Variants in PPP1R9B observed in about 807,000 individuals in gnomAD.
PPP1R9B encodes the protein neurabin-2.
A neutral mutation model predicts 75.8 loss-of-function variants in PPP1R9B; 17 were observed. The observed-to-expected ratio is 0.22, with a 90% CI of 0.15 to 0.34. The LOEUF is 0.34. Ranked by LOEUF, PPP1R9B falls within the 10% of genes least tolerant of loss-of-function variation. The probability of loss-of-function intolerance (pLI) is 1.00; values close to 1 mark genes in which losing one functional copy is unlikely to be tolerated. For missense variants in PPP1R9B, 875 were observed against 1,196.0 expected (o/e 0.73, Z 3.96); for synonymous variants, 509 against 535.4 (o/e 0.95, Z 0.68).
Position 50,149,861 on chromosome 17 carries a change from G to C in PPP1R9B, c.653C>G (p.Ala218Gly), listed in dbSNP as rs1912638813. 4.0e-6 allele frequency: 6 copies of C among 1,491,260 alleles called. No homozygotes were observed. In the East Asian group the frequency reaches 1.7e-4, roughly 42 times the overall value. The allele number at this position is 1,491,260 out of a possible 1,614,324, so 92.4% of individuals were successfully genotyped here. ...VSQLSAVFEK[A>G]DSRTGLHRGP... Reference sequence around the variant, plus strand: ...GCGGTGGAGGCCGGTCCTCGAGTCGGCCTTCTCGAAGACGGCGCTGAGCTG... The same window carrying C: ...GCGGTGGAGGCCGGTCCTCGAGTCGCCCTTCTCGAAGACGGCGCTGAGCTG... The change falls in exon 1 of 10, where the codon GCC becomes GGC. Residue 218 changes from alanine to glycine, a missense_variant. Around this residue, in one of 4 missense-constraint regions of PPP1R9B, gnomAD observed 449 missense variants for 475.0 expected, o/e 0.95. Transcript: ENST00000612501. This position sits in a 1 kb window ranked among gnomAD's most constrained non-coding sequence, Gnocchi z 7.2.
In PPP1R9B at chr17:50,149,337, C is replaced by T; in HGVS notation, c.1177G>A (p.Val393Met). 6.2e-7 allele frequency: 1 copy of T among 1,613,572 alleles called. No homozygotes were observed. Among genetic ancestry groups the T allele is most frequent in the South Asian group, 1.1e-5 (1 of 91,070 alleles). ...KKEDFSEADL[V>M]DVSAYSGLGE... ...AGCCCACTGTAGGCGCTCACGTCCA[C>T]CAAGTCCGCCTCCGAGAAGTCCTCC... The change falls in exon 1 of 10, where the codon GTG (valine) becomes ATG (methionine). Residue 393 changes from valine to methionine, a missense_variant. By Grantham distance (21) the Val-to-Met change is conservative (BLOSUM62 1). Around this residue, in one of 4 missense-constraint regions of PPP1R9B, gnomAD observed 449 missense variants for 475.0 expected, o/e 0.95. Transcript: ENST00000612501. The surrounding 1 kb of genome is among the most constrained non-coding windows in gnomAD (Gnocchi z 7.2).
At chr17:50,144,454 G>T (rs558083283) in intron 2 of PPP1R9B, among the ~76,000 whole-genome samples, 1 of 152,250 alleles carries the variant, frequency 6.6e-6, no homozygotes, top group African/African-American at 2.4e-5. Flanking sequence ...TCACAGCCTG[G>T]TGTGGTCTTT....
Position 50,149,225 on chromosome 17 carries a change from C to A in PPP1R9B, c.1289G>T (p.Gly430Val), listed in dbSNP as rs1912606299. 6.2e-7 allele frequency: 1 copy of A among 1,610,124 alleles called. No individual in the cohort carries two copies. The highest frequency in any genetic ancestry group is 8.5e-7 in the Non-Finnish European group (1 of 1,178,540). Residue 430 changes from glycine (G) to valine (V), a missense_variant, in exon 1 of 10, where the codon GGG (glycine) becomes GTG (valine). Physicochemically the swap from Gly to Val is moderately radical, Grantham distance 109. Coordinates refer to ENST00000612501, the MANE Select transcript of PPP1R9B (RefSeq NM_032595.5). The surrounding 1 kb of genome is among the most constrained non-coding windows in gnomAD (Gnocchi z 7.2). ...DGEPPYEPESGCVEIPGLSEE... is the reference protein window; with the variant it reads ...DGEPPYEPESVCVEIPGLSEE... ...CGACAGCCCCGGGATCTCCACGCAC[C>A]CCGACTCGGGCTCGTAGGGGGGCTC...
At chr17:50,140,478 C>T (rs1220966131) in intron 4 of PPP1R9B, 3 of 557,776 alleles carry the variant, frequency 5.4e-6, no homozygotes, top group Non-Finnish European at 9.6e-6. Flanking sequence ...TGTCAGCCCA[C>T]CTCTAGGCTG....
In PPP1R9B at chr17:50,150,400, G is replaced by C; in HGVS notation, c.114C>G (p.Pro38=). The C allele has an allele frequency of 2.1e-6, 3 of 1,400,242 alleles. No individual in the cohort carries two copies. Among genetic ancestry groups the C allele is most frequent in the South Asian group, 1.6e-5 (1 of 64,042 alleles). The allele number at this position is 1,400,242 out of a possible 1,614,324, so 86.7% of individuals were successfully genotyped here. Residue 38 remains proline, a synonymous_variant, in exon 1 of 10, where the codon CCC becomes CCG. Transcript: ENST00000612501. This position sits in a 1 kb window ranked among gnomAD's most constrained non-coding sequence, Gnocchi z 8.7. ...GGTGGGCCCCCTTGGGTGCCTCGTC[G>C]GGCCCGGGCGCGTCGGGCGGCTTCA... ...QALKPPDAPG[P]DEAPKGAHHK... is the part of the protein sequence containing the mutation.
rs1399590517 is a variant in PPP1R9B at position 50,141,266 on chromosome 17, C to T, written c.1730+3G>A. On this transcript the variant is annotated splice_donor_region_variant and intron_variant, in intron 4 of 9. Transcript: ENST00000612501. ...CCCACGCCCCACCCCTCTGGGCTCT[C>T]ACCGCACTCGGCCCTTGGTGTTCCG... 1 of 1,568,486 alleles carries T rather than the reference C, an allele frequency of 6.4e-7. No homozygotes were observed. Among genetic ancestry groups the T allele is most frequent in the Non-Finnish European group, 8.6e-7 (1 of 1,157,872 alleles).
rs1327025101 is a variant in PPP1R9B, at chr17:50,134,238, G to C, written c.*1093C>G. On this transcript the variant is annotated 3_prime_UTR_variant, in exon 10 of 10. Coordinates refer to ENST00000612501, the MANE Select transcript of PPP1R9B (RefSeq NM_032595.5). The stretch of plus-strand genomic sequence containing the variant: ...GGGGAAACAGAGTCGATTTCACTTA[G>C]AAGGCAGGCTGCCAGCAGGGCAGCC... The C allele has an allele frequency of 6.6e-6, 1 of 152,488 alleles. No homozygotes were observed. The highest frequency in any genetic ancestry group is 1.5e-5 in the Non-Finnish European group (1 of 68,014). The allele number at this position is 152,488 out of a possible 1,614,324, so 9.4% of individuals were successfully genotyped here. A position where few individuals can be genotyped will look rare whatever the true frequency, so the allele number is the denominator to read the frequency against.
In PPP1R9B at chr17:50,145,126, C is replaced by T. The variant is rs766767434; in HGVS notation, c.1491G>A (p.Val497=). ...CTGGCCTCTCACCCTTCTCCAGCTCCACAGGGAACAGCTCCAACCTCTCCA... is the reference window on the plus strand; with the variant it reads ...CTGGCCTCTCACCCTTCTCCAGCTCTACAGGGAACAGCTCCAACCTCTCCA... ...KRVERLELFP[V]ELEKDSEGLG... Residue 497 remains valine (V), a synonymous_variant, in exon 2 of 10, where the codon GTG becomes GTA. Coordinates refer to ENST00000612501, the MANE Select transcript of PPP1R9B (RefSeq NM_032595.5). 1.9e-6 allele frequency: 3 copies of T among 1,613,794 alleles called. No individual in the cohort carries two copies. Among genetic ancestry groups the T allele is most frequent in the African/African-American group, 2.7e-5 (2 of 74,920 alleles).
rs1912141997 is a variant in PPP1R9B at position 50,134,059 on chromosome 17, G to A, written c.*1272C>T. The A allele has an allele frequency of 2.0e-5, 3 of 152,798 alleles. No homozygotes were observed. The highest frequency in any genetic ancestry group is 1.9e-4 in the East Asian group (1 of 5,178). The allele number at this position is 152,798 out of a possible 1,614,324, so 9.5% of individuals were successfully genotyped here. A position where few individuals can be genotyped will look rare whatever the true frequency, so the allele number is the denominator to read the frequency against. ...TTTACAGGGGACAAGAAGCCAAAAC[G>A]GATGGGATGGGTGGTCTGTTTTTAA... On this transcript the variant is annotated 3_prime_UTR_variant, in exon 10 of 10. Transcript: ENST00000612501.
At chr17:50,137,378 G>A (rs1034376621) in intron 7 of PPP1R9B, 4 of 152,430 alleles carry the variant, frequency 2.6e-5, no homozygotes, top group Non-Finnish European at 1.5e-5. Flanking sequence ...TGCCCATCAT[G>A]GTGATGAGAA....
chr17:50,149,783 A>C lies in PPP1R9B; in HGVS notation c.731T>G (p.Val244Gly). 7.1e-7 allele frequency: 1 copy of C among 1,410,012 alleles called. No homozygotes were observed. Among genetic ancestry groups the C allele is most frequent in the Non-Finnish European group, 9.2e-7 (1 of 1,089,988 alleles). The allele number at this position is 1,410,012 out of a possible 1,614,324, so 87.3% of individuals were successfully genotyped here. A position where few individuals can be genotyped will look rare whatever the true frequency, so the allele number is the denominator to read the frequency against. Reference protein sequence around the residue: ...AGVPQVNSKLVSKRSRVFQPP... With the variant: ...AGVPQVNSKLGSKRSRVFQPP... ...CTGGAACACCCGGGACCGCTTGCTG[A>C]CCAGCTTCGAGTTGACCTGGGGAAC... Residue 244 changes from valine to glycine, a missense_variant, in exon 1 of 10, where the codon GTC (valine) becomes GGC (glycine). Around this residue, in one of 4 missense-constraint regions of PPP1R9B, gnomAD observed 449 missense variants for 475.0 expected, o/e 0.95. Coordinates refer to ENST00000612501, the MANE Select transcript of PPP1R9B (RefSeq NM_032595.5). The surrounding 1 kb of genome is among the most constrained non-coding windows in gnomAD (Gnocchi z 7.2).
chr17:50,146,470 A>C (rs1048468888), intron 1 of PPP1R9B, among the ~76,000 whole-genome samples: 3 of 152,122 alleles, frequency 2.0e-5, no homozygotes, highest in African/African-American at 7.2e-5. Context: ...CTCCAGGAGC[A>C]GACCTTGTGG....
rs1912620162 is a variant in PPP1R9B at position 50,149,479 on chromosome 17, C to T, written c.1035G>A (p.Glu345=). ...VATAASPAPE[E]PKAQAAPEKE... is the part of the protein sequence containing the mutation. ...TCTCCGGGGCCGCTTGGGCCTTTGG[C>T]TCCTCGGGCGCGGGGCTGGCTGCAG... Residue 345 remains glutamate, a synonymous_variant, in exon 1 of 10, where the codon GAG becomes GAA. Transcript: ENST00000612501. This position sits in a 1 kb window ranked among gnomAD's most constrained non-coding sequence, Gnocchi z 7.2. The T allele has an allele frequency of 6.2e-7, 1 of 1,601,542 alleles. No homozygotes were observed. Among genetic ancestry groups the T allele is most frequent in the Admixed American group, 1.7e-5 (1 of 58,986 alleles).
Position 50,139,953 on chromosome 17 carries a change from CAA to C in PPP1R9B, c.1866+138_1866+139del. The C allele has an allele frequency of 1.0e-6, 1 of 961,870 alleles. No individual in the cohort carries two copies. Among genetic ancestry groups the C allele is most frequent in the Non-Finnish European group, 1.5e-6 (1 of 660,720 alleles). The allele number at this position is 961,870 out of a possible 1,614,324, so 59.6% of individuals were successfully genotyped here. ...GTATTCCTTGTCCGGCCTCTGAAGA[CAA>C]AGAGTGTGACTGGAGGACAGGGAAT... On this transcript the variant is annotated intron_variant, in intron 5 of 9. Coordinates refer to ENST00000612501, the MANE Select transcript of PPP1R9B (RefSeq NM_032595.5). This position sits in a 1 kb window ranked among gnomAD's most constrained non-coding sequence, Gnocchi z 5.0.
At chr17:50,148,850 C>T (rs1315356294) in intron 1 of PPP1R9B, among the ~76,000 whole-genome samples, 1 of 152,240 alleles carries the variant, frequency 6.6e-6, no homozygotes, top group Non-Finnish European at 1.5e-5. Context: ...AAGCAGGTGT[C>T]CCAGGACCCG....
In PPP1R9B at chr17:50,134,093, CAAA is replaced by C. The variant is rs1429416245; in HGVS notation, c.*1235_*1237del. 2.6e-5 allele frequency: 4 copies of C among 152,518 alleles called. No homozygotes were observed. The East Asian group carries it at 7.7e-4, about 29-fold the overall frequency. 9.4% of individuals were successfully genotyped at this position (152,518 alleles called of 1,614,324 possible). On this transcript the variant is annotated 3_prime_UTR_variant, in exon 10 of 10. Transcript: ENST00000612501. ...GGGTGGTCTGTTTTTAAAAAATGAA[CAAA>C]AACCCAGTTAGGGCAGGGGCATGAA... is the stretch of plus-strand genomic sequence containing the variant.
chr17:50,150,298 G>C lies in PPP1R9B; in HGVS notation c.216C>G (p.Gly72=). 7.1e-7 allele frequency: 1 copy of C among 1,399,490 alleles called. No individual in the cohort carries two copies. The highest frequency in any genetic ancestry group is 3.2e-5 in the Admixed American group (1 of 31,186). The allele number at this position is 1,399,490 out of a possible 1,614,324, so 86.7% of individuals were successfully genotyped here. ...LQMGTTAGPS[G]EAGGGAGLAE... ...CCAGGCCCGCGCCGCCGCCCGCCTCGCCCGAGGGCCCCGCCGTCGTGCCCA... is the reference window on the plus strand; with the variant it reads ...CCAGGCCCGCGCCGCCGCCCGCCTCCCCCGAGGGCCCCGCCGTCGTGCCCA... Residue 72 remains glycine, a synonymous_variant, in exon 1 of 10, where the codon GGC becomes GGG. Coordinates refer to ENST00000612501, the MANE Select transcript of PPP1R9B (RefSeq NM_032595.5). The surrounding 1 kb of genome is among the most constrained non-coding windows in gnomAD (Gnocchi z 8.7).
chr17:50,147,644 A>G (rs1321703763), intron 1 of PPP1R9B, among the ~76,000 whole-genome samples: 1 of 152,022 alleles, frequency 6.6e-6, no homozygotes, highest in Non-Finnish European at 1.5e-5. Context: ...ACTTCTCGCA[A>G]AATTAGTGGG....
At chr17:50,135,796 G>C (rs1396879532) in intron 8 of PPP1R9B, 147 bp from the exon 9 acceptor site, 10 of 886,990 alleles carry the variant, frequency 1.1e-5, no homozygotes, top group Non-Finnish European at 1.7e-5. Context: ...AAGCCTCTGG[G>C]GGTCTGGCTC....
Sources: allele counts gnomAD v4.1 joint callset (sites outside exome capture counted in the v4.1 genomes callset), GRCh38; gene constraint gnomAD v4.1.1; regional missense constraint gnomAD v4.1.1; non-coding constraint Gnocchi (gnomAD v3.1); transcripts MANE v1.5; gene names NCBI Gene and HGNC (gene_info 2026-07-23, HGNC 2026-07-21).